Variants in TBC1D1 observed in about 807,000 individuals in gnomAD.
TBC1D1 encodes TBC1 (tre-2/USP6, BUB2, cdc16) domain family, member 1.
In TBC1D1, 89 loss-of-function variants were observed where a neutral mutation model predicts 125.6. The ratio of observed to expected loss-of-function variants is 0.71; its 90% CI spans 0.60 to 0.85. TBC1D1 has a LOEUF of 0.85. TBC1D1 is among the 40% of genes least tolerant of loss of function. The probability of loss-of-function intolerance (pLI) is 0.00; values close to 1 mark genes in which losing one functional copy is unlikely to be tolerated. For synonymous variants in TBC1D1, 565 were observed against 564.1 expected, an observed-to-expected ratio of 1.00 and a Z score of -0.02; for missense variants, 1,377 against 1,469.2, an observed-to-expected ratio of 0.94 and a Z score of 1.03.
At chr4:38,058,107 C>T (rs948532169) in intron 12 of TBC1D1, among the ~76,000 whole-genome samples, 9 of 152,210 alleles carry the variant, frequency 5.9e-5, no homozygotes, top group Non-Finnish European at 7.3e-5. Context: ...TACTTGCCTT[C>T]AGTCAATCTC....
intron 2 of TBC1D1, among the ~76,000 whole-genome samples, chr4:37,916,100 A>T (rs1264460769): frequency 6.6e-6 from 1 of 152,208 alleles, no homozygotes; most frequent in Admixed American, 6.5e-5. Flanking sequence ...TGATTATACA[A>T]GAGTTGATGC....
intron 13 of TBC1D1, among the ~76,000 whole-genome samples, chr4:38,094,851 T>A (rs1560778110): frequency 1.3e-5 from 2 of 150,984 alleles, no homozygotes. Flanking sequence ...CTAGTGACAT[T>A]TATTGTGTTT....
chr4:37,950,667 T>C (rs538802135), intron 2 of TBC1D1, among the ~76,000 whole-genome samples: 1 of 146,806 alleles, frequency 6.8e-6, no homozygotes, highest in Admixed American at 7.0e-5. Flanking sequence ...ATTGACACAT[T>C]ATTCTCACCC....
At chr4:37,943,170 C>G (rs1354102591) in intron 2 of TBC1D1, among the ~76,000 whole-genome samples, 1 of 152,216 alleles carries the variant, frequency 6.6e-6, no homozygotes, top group African/African-American at 2.4e-5. Flanking sequence ...GGCCCCCACT[C>G]TCTTCTGGCT....
intron 18 of TBC1D1, among the ~76,000 whole-genome samples, chr4:38,131,218 A>T (rs1310009409): frequency 1.3e-5 from 2 of 152,188 alleles, no homozygotes; most frequent in African/African-American, 4.8e-5. Context: ...TTAACACAGA[A>T]CATCAATCCG....
At chr4:37,982,496 G>T (rs186003708) in intron 2 of TBC1D1, among the ~76,000 whole-genome samples, 1 of 152,246 alleles carries the variant, frequency 6.6e-6, no homozygotes, top group Non-Finnish European at 1.5e-5. Flanking sequence ...AGCAAAGCTG[G>T]TATAACCCTG....
At chr4:37,913,301 T>TA (rs981370360) in intron 2 of TBC1D1, among the ~76,000 whole-genome samples, 2 of 152,090 alleles carry the variant, frequency 1.3e-5, no homozygotes, top group African/African-American at 4.8e-5. Context: ...CTCAGCCTCC[T>TA]AAAAAATATA....
At chr4:37,991,427 G>T (rs930268760) in intron 2 of TBC1D1, among the ~76,000 whole-genome samples, 1 of 152,148 alleles carries the variant, frequency 6.6e-6, no homozygotes, top group African/African-American at 2.4e-5. Flanking sequence ...GATGGAGGCA[G>T]TGGAGCCCAG....
intron 2 of TBC1D1, among the ~76,000 whole-genome samples, chr4:37,998,425 C>T (rs964555459): frequency 1.3e-5 from 2 of 152,218 alleles, no homozygotes; most frequent in Non-Finnish European, 2.9e-5. Context: ...GTCCCCACCT[C>T]GCAGTCCTCA....
chr4:38,022,963 T>C (rs1413806351), intron 6 of TBC1D1, among the ~76,000 whole-genome samples: 2 of 152,228 alleles, frequency 1.3e-5, no homozygotes, highest in Non-Finnish European at 2.9e-5. Flanking sequence ...ACACCTGTAA[T>C]TCCAGCGCTT....
chr4:37,906,660 C>G (rs1717410159), intron 2 of TBC1D1, among the ~76,000 whole-genome samples: 1 of 152,180 alleles, frequency 6.6e-6, no homozygotes, highest in African/African-American at 2.4e-5. Flanking sequence ...TTCTTAGAGC[C>G]TCATCCCAGA....
intron 8 of TBC1D1, among the ~76,000 whole-genome samples, 187 bp downstream of exon 8, chr4:38,035,885 T>G (rs951249007): frequency 6.6e-6 from 1 of 152,182 alleles, no homozygotes; most frequent in African/African-American, 2.4e-5. Flanking sequence ...AAGAAAAGTT[T>G]CTGCCTGCAC....
chr4:38,106,407 G>A (rs574977132), intron 15 of TBC1D1, among the ~76,000 whole-genome samples: 3 of 152,344 alleles, frequency 2.0e-5, no homozygotes, highest in African/African-American at 7.2e-5. Flanking sequence ...GCAGTGGCAG[G>A]CCAAGGCAAT....
chr4:37,913,608 A>T (rs1009052831), intron 2 of TBC1D1, among the ~76,000 whole-genome samples: 10 of 149,514 alleles, frequency 6.7e-5, no homozygotes, highest in African/African-American at 1.7e-4. Flanking sequence ...TCAAAAAATA[A>T]ATATATATAT....
chr4:38,067,477 G>T (rs1753941051), intron 12 of TBC1D1, among the ~76,000 whole-genome samples: 1 of 152,192 alleles, frequency 6.6e-6, no homozygotes, highest in South Asian at 2.1e-4. Context: ...CTTCTTACTG[G>T]TACCAGCCTT....
At chr4:38,129,028 A>G (rs1765128780) in intron 18 of TBC1D1, among the ~76,000 whole-genome samples, 1 of 152,170 alleles carries the variant, frequency 6.6e-6, no homozygotes, top group Non-Finnish European at 1.5e-5. Flanking sequence ...TCAGCCCAGC[A>G]TTGTCATCAT....
intron 2 of TBC1D1, among the ~76,000 whole-genome samples, chr4:38,008,304 A>G (rs1740767937): frequency 6.6e-6 from 1 of 152,194 alleles, no homozygotes; most frequent in Non-Finnish European, 1.5e-5. Flanking sequence ...TTTAGCTCCT[A>G]CAGCCATTCG....
At chr4:37,909,413 C>T (rs1371255912) in intron 2 of TBC1D1, among the ~76,000 whole-genome samples, 1 of 152,138 alleles carries the variant, frequency 6.6e-6, no homozygotes, top group Non-Finnish European at 1.5e-5. Flanking sequence ...TTTAATAATT[C>T]ACCGTCTGCT....
intron 12 of TBC1D1, among the ~76,000 whole-genome samples, chr4:38,089,293 A>G (rs976421347): frequency 1.1e-4 from 17 of 152,224 alleles, no homozygotes; most frequent in African/African-American, 4.1e-4. Context: ...TGCCCAGCGC[A>G]GTGCCCAGCA....
Sources: allele counts gnomAD v4.1 joint callset (sites outside exome capture counted in the v4.1 genomes callset), GRCh38; gene constraint gnomAD v4.1.1; transcripts MANE v1.5; gene names NCBI Gene and HGNC (gene_info 2026-07-23, HGNC 2026-07-21).